The following KLK5 variants were observed in gnomAD, a reference collection of about 807,000 sequenced individuals.
The protein encoded by KLK5 is kallikrein related peptidase 5, also known as kallikrein-5.
A neutral mutation model predicts 24.0 loss-of-function variants in KLK5; 18 were observed. The observed-to-expected ratio is 0.75, with a 90% CI of 0.52 to 1.11. KLK5 has a LOEUF of 1.11. Ranked by LOEUF, KLK5 falls within the 50% of genes most tolerant of loss-of-function variation. KLK5 has a pLI of 0.00. For synonymous variants in KLK5, 140 were observed against 154.0 expected (o/e 0.91, Z 0.67); for missense variants, 374 against 379.2 (o/e 0.99, Z 0.11).
At position 50,943,805 on chromosome 19, in the gene KLK5, G is replaced by A. The variant is rs372740238; in HGVS notation, c.727-19C>T. 3.4e-5 allele frequency: 55 copies of A among 1,602,232 alleles called. No homozygotes were observed. In the African/African-American group the frequency reaches 6.8e-4, roughly 20 times the overall value. ...AATCACCCTGCAGGAGAGAAAGGGGGGCATGAGAGAGGCAGAGATGTGGCA... is the reference window on the plus strand; with the variant it reads ...AATCACCCTGCAGGAGAGAAAGGGGAGCATGAGAGAGGCAGAGATGTGGCA... On this transcript the variant is annotated intron_variant, in intron 5 of 5. Coordinates refer to ENST00000336334, the MANE Select transcript of KLK5 (RefSeq NM_012427.5).
intron 2 of KLK5, chr19:50,950,325 TA>T: frequency 1.7e-6 from 1 of 595,234 alleles, no homozygotes; most frequent in Non-Finnish European, 3.0e-6. Context: ...TACTGGACTC[TA>T]ACTGGACCTC....
In KLK5 at chr19:50,949,014, G is replaced by A; in HGVS notation, c.437C>T (p.Ser146Phe). ...GAGGTCGTTAGAGTGGCCAGGGTGGGAGTAGCCAGGGTGGGGGATGGATTT... is the reference window on the plus strand; with the variant it reads ...GAGGTCGTTAGAGTGGCCAGGGTGGAAGTAGCCAGGGTGGGGGATGGATTT... ...GVKSIPHPGYSHPGHSNDLML... is the reference protein window; with the variant it reads ...GVKSIPHPGYFHPGHSNDLML... The change falls in exon 4 of 6, where the codon TCC becomes TTC. Residue 146 changes from serine (S) to phenylalanine (F), a missense_variant. Coordinates refer to ENST00000336334, the MANE Select transcript of KLK5 (RefSeq NM_012427.5). 1 of 1,613,946 alleles carries A rather than the reference G, an allele frequency of 6.2e-7. No individual in the cohort carries two copies. Among genetic ancestry groups the A allele is most frequent in the Non-Finnish European group, 8.5e-7 (1 of 1,179,984 alleles).
intron 5 of KLK5, among the ~76,000 whole-genome samples, chr19:50,948,120 T>G (rs2090651025): frequency 7.2e-6 from 1 of 138,752 alleles, no homozygotes; most frequent in African/African-American, 3.3e-5. Context: ...TCTTTTTTAC[T>G]TGTTTTTTTT....
At chr19:50,951,129 C>A (rs535023690) in intron 2 of KLK5, among the ~76,000 whole-genome samples, 114 of 152,164 alleles carry the variant, frequency 7.5e-4, no homozygotes, top group Admixed American at 2.9e-3. Flanking sequence ...GAAGAGCAGG[C>A]CTAGGTTTCT....
At chr19:50,945,792 A>AAAAAGAAAAGAAAAGAAAAG (rs59621643) in intron 5 of KLK5, among the ~76,000 whole-genome samples, 9,408 of 149,214 alleles carry the variant, frequency 0.063, 416 homozygotes, top group African/African-American at 0.11. Context: ...CTCCGTCTCA[A>AAAAAGAAAAGAAAAGAAAAG]AAAAGAAAAG....
In KLK5 at chr19:50,950,049, GTTGCTCCC is replaced by G; in HGVS notation, c.133_140del (p.Gly45ProfsTer15). The G allele has an allele frequency of 1.9e-6, 3 of 1,613,806 alleles. No homozygotes were observed. The highest frequency in any genetic ancestry group is 2.5e-6 in the Non-Finnish European group (3 of 1,179,958). ...CCCCGGCCCCAGCTCCCAGGTCCTGGTTGCTCCCAGAGGGCACGGTGTTAGAGGGGTGG... is the reference window on the plus strand; with the variant it reads ...CCCCGGCCCCAGCTCCCAGGTCCTGGAGAGGGCACGGTGTTAGAGGGGTGG... On this transcript the variant is annotated frameshift_variant, in exon 3 of 6. Coordinates refer to ENST00000336334, the MANE Select transcript of KLK5 (RefSeq NM_012427.5). LOFTEE classifies it high-confidence loss of function.
chr19:50,949,226 C>A, intron 3 of KLK5, 111 bp from the exon 4 acceptor site: 1 of 1,025,892 alleles, frequency 9.7e-7, no homozygotes, highest in South Asian at 1.6e-5. Context: ...ACCCCCGGTC[C>A]CCAAACCATC....
intron 5 of KLK5, among the ~76,000 whole-genome samples, chr19:50,944,681 C>T (rs1018698126): frequency 6.6e-6 from 1 of 152,200 alleles, no homozygotes; most frequent in Non-Finnish European, 1.5e-5. Flanking sequence ...TGGAGGCCTG[C>T]CGTGTGCATC....
At chr19:50,946,170 T>C (rs774222483) in intron 5 of KLK5, among the ~76,000 whole-genome samples, 21 of 152,242 alleles carry the variant, frequency 1.4e-4, no homozygotes, top group Non-Finnish European at 2.4e-4. Flanking sequence ...TGTGGTTTAA[T>C]TTCTCTCATT....
Position 50,948,679 on chromosome 19 carries a change from C to T in KLK5, c.687G>A (p.Met229Ile), listed in dbSNP as rs760781945. The part of the protein sequence containing the change: ...DAYPRQIDDT[M>I]FCAGDKAGRD... ...TACCTGCTTTGTCACCGGCGCAGAA[C>T]ATGGTGTCATCTATCTGTCTCGGGT... Residue 229 changes from methionine (M) to isoleucine (I), a missense_variant, in exon 5 of 6, where the codon ATG becomes ATA. Met to Ile is a conservative substitution (Grantham distance 10). Transcript: ENST00000336334. 3 of 1,614,154 alleles carry T rather than the reference C, an allele frequency of 1.9e-6. No individual in the cohort carries two copies. The Admixed American group carries it at 5.0e-5, about 27-fold the overall frequency.
chr19:50,949,747 T>TCCCCCTCCC, intron 3 of KLK5, 108 bp downstream of exon 3: 5 of 426,648 alleles, frequency 1.2e-5, no homozygotes, highest in South Asian at 4.9e-5. Flanking sequence ...CAACCCCACT[T>TCCCCCTCCC]CCCCGTCCCC....
rs561013920 is a variant in KLK5 at position 50,952,455 on chromosome 19, C to G, written c.73+130G>C. 212 of 571,814 alleles carry G rather than the reference C, an allele frequency of 3.7e-4. No homozygotes were observed. In the African/African-American group the frequency reaches 3.9e-3, roughly 10 times the overall value. The allele number at this position is 571,814 out of a possible 1,614,324, so 35.4% of individuals were successfully genotyped here. A position where few individuals can be genotyped will look rare whatever the true frequency, so the allele number is the denominator to read the frequency against. On this transcript the variant is annotated intron_variant, in intron 2 of 5. Transcript: ENST00000336334. ...ACGATCGCACAACCACAAGTACAGA[C>G]AGAGACTCACATTCACCCGGTCCCG...
In KLK5 at chr19:50,950,163, G is replaced by C. The variant is rs2232531; in HGVS notation, c.74-47C>G. The C allele has an allele frequency of 2.6e-4, 410 of 1,581,184 alleles. No homozygotes were observed. In the African/African-American group the frequency reaches 4.9e-3, roughly 19 times the overall value. On this transcript the variant is annotated intron_variant, in intron 2 of 5. Coordinates refer to ENST00000336334, the MANE Select transcript of KLK5 (RefSeq NM_012427.5). ...GGCGGGGCTCAGAGGCGGGGCTTGG[G>C]CTGGGGGTGGGTTTCAGACTCAAGA...
At chr19:50,951,668 G>C (rs1048955084) in intron 2 of KLK5, among the ~76,000 whole-genome samples, 2 of 152,154 alleles carry the variant, frequency 1.3e-5, no homozygotes, top group Non-Finnish European at 2.9e-5. Flanking sequence ...AAGCACGCAC[G>C]CAGTTCTGCA....
At chr19:50,949,740 C>T in intron 3 of KLK5, 115 bp downstream of exon 3, 2 of 458,454 alleles carry the variant, frequency 4.4e-6, no homozygotes, top group Non-Finnish European at 7.4e-6. Context: ...ACACCCCCAA[C>T]CCCACTTCCC....
intron 2 of KLK5, among the ~76,000 whole-genome samples, chr19:50,951,312 G>A (rs1353269638): frequency 6.7e-6 from 1 of 150,298 alleles, no homozygotes; most frequent in Non-Finnish European, 1.5e-5. Context: ...CGCTCTTGTT[G>A]CCCAGGCTGG....
At chr19:50,951,733 TAC>T (rs1160936338) in intron 2 of KLK5, among the ~76,000 whole-genome samples, 2 of 152,096 alleles carry the variant, frequency 1.3e-5, no homozygotes, top group Admixed American at 6.5e-5. Flanking sequence ...TGTCTCCAGG[TAC>T]ACACGCTCCC....
chr19:50,949,190 C>G, intron 3 of KLK5, 75 bp from the exon 4 acceptor site: 2 of 1,441,868 alleles, frequency 1.4e-6, no homozygotes, highest in South Asian at 2.7e-5. Flanking sequence ...AACCCCACAC[C>G]CAGCCCCAGC....
intron 5 of KLK5, among the ~76,000 whole-genome samples, chr19:50,945,036 T>C (rs1024546167): frequency 2.1e-4 from 30 of 139,962 alleles, no homozygotes; most frequent in East Asian, 1.7e-3. Flanking sequence ...TTCCTTCCTT[T>C]CTTTCTCCTT....
Sources: allele counts gnomAD v4.1 joint callset (sites outside exome capture counted in the v4.1 genomes callset), GRCh38; gene constraint gnomAD v4.1.1; transcripts MANE v1.5; gene names NCBI Gene and HGNC (gene_info 2026-07-23, HGNC 2026-07-21).